Variants in CFAP57 observed in about 807,000 individuals in gnomAD.
CFAP57 encodes the protein cilia and flagella associated protein 57.
A neutral mutation model predicts 146.8 loss-of-function variants in CFAP57; 116 were observed. The ratio of observed to expected loss-of-function variants is 0.79; its 90% CI spans 0.68 to 0.92. CFAP57 has a LOEUF of 0.92. Among genes scored for constraint, CFAP57 ranks in the 40% least tolerant of loss-of-function variants. The pLI, the probability that CFAP57 is intolerant of heterozygous loss-of-function variation, is 0.00. For synonymous variants in CFAP57, 518 were observed against 552.8 expected (o/e 0.94, Z 0.88); for missense variants, 1,377 against 1,527.2 (o/e 0.90, Z 1.64).
chr1:43,179,399 CAT>C (rs1173291040), intron 2 of CFAP57, among the ~76,000 whole-genome samples: 13 of 152,210 alleles, frequency 8.5e-5, no homozygotes, highest in Non-Finnish European at 2.9e-5. Context: ...AACCAGTCAA[CAT>C]ATATCAAGAA....
chr1:43,206,991 C>T (rs1644386426), intron 10 of CFAP57, 59 bp downstream of exon 10: 11 of 1,561,726 alleles, frequency 7.0e-6, no homozygotes, highest in African/African-American at 6.8e-5. Flanking sequence ...GACAGCTTCC[C>T]GTGCTTACAG....
At position 43,185,246 on chromosome 1, in the gene CFAP57, G is replaced by A. The variant is rs757371636; in HGVS notation, c.859G>A (p.Ala287Thr). 1.5e-5 allele frequency: 25 copies of A among 1,614,056 alleles called. No homozygotes were observed. In the African/African-American group the frequency reaches 1.6e-4, roughly 10 times the overall value. The part of the protein sequence containing the change: ...HSQMSMPQVF[A>T]IAAYSKGFAC... ...CCAGATGTCCATGCCCCAGGTGTTT[G>A]CCATTGCAGCCTATTCAAAGGGATT... The change falls in exon 5 of 23, where the codon GCC becomes ACC. Residue 287 changes from alanine (A) to threonine (T), a missense_variant. Physicochemically the swap from Ala to Thr is moderately conservative, Grantham distance 58. Coordinates refer to ENST00000372492, the MANE Select transcript of CFAP57 (RefSeq NM_001378189.1).
intron 2 of CFAP57, among the ~76,000 whole-genome samples, chr1:43,179,654 T>C (rs1283178745): frequency 6.6e-6 from 1 of 152,168 alleles, no homozygotes; most frequent in Non-Finnish European, 1.5e-5. Flanking sequence ...GTTTTAACTT[T>C]CCCTTATGCT....
chr1:43,204,362 GCTTT>G (rs933699120), intron 9 of CFAP57, among the ~76,000 whole-genome samples: 45 of 152,154 alleles, frequency 3.0e-4, no homozygotes, highest in African/African-American at 1.1e-3. Flanking sequence ...TTGCCTGAAT[GCTTT>G]CTTTCTTTCT....
In CFAP57 at chr1:43,198,705, A is replaced by G. The variant is rs1398406302; in HGVS notation, c.1428+59A>G. 8 of 1,590,074 alleles carry G rather than the reference A, an allele frequency of 5.0e-6. No individual in the cohort carries two copies. In the Admixed American group the frequency reaches 8.4e-5, roughly 17 times the overall value. ...TTTCTTAGAAAGCCACGGCTGAAAT[A>G]TCAGGAACTAACATGATCTGGGGAG... On this transcript the variant is annotated intron_variant, in intron 8 of 22. Transcript: ENST00000372492.
chr1:43,221,389 A>C lies in CFAP57; in HGVS notation c.2265A>C (p.Lys755Asn). The change falls in exon 14 of 23, where the codon AAA (lysine) becomes AAC (asparagine). Residue 755 changes from lysine (K) to asparagine (N), a missense_variant. Transcript: ENST00000372492. Reference protein sequence around the residue: ...KTKNQVLRTEKEKQDVYHHEH... With the variant: ...KTKNQVLRTENEKQDVYHHEH... ...TGTTTTAGGTCTTAAGAACAGAAAA[A>C]GAGAAGCAGGATGTTTATCACCATG... 6.5e-7 allele frequency: 1 copy of C among 1,542,818 alleles called. No homozygotes were observed. Among genetic ancestry groups the C allele is most frequent in the East Asian group, 2.5e-5 (1 of 40,550 alleles).
intron 12 of CFAP57, 37 bp from the exon 13 acceptor site, chr1:43,219,345 T>A: frequency 6.5e-7 from 1 of 1,534,996 alleles, no homozygotes; most frequent in Non-Finnish European, 8.8e-7. Flanking sequence ...TCACCCTTAC[T>A]GTCAGTGTTC....
chr1:43,195,240 C>T (rs956602885), intron 6 of CFAP57, among the ~76,000 whole-genome samples: 1 of 152,130 alleles, frequency 6.6e-6, no homozygotes, highest in Non-Finnish European at 1.5e-5. Flanking sequence ...AGAACATGGA[C>T]AGGCCAGGTG....
intron 11 of CFAP57, chr1:43,210,227 A>T: frequency 6.7e-7 from 1 of 1,499,844 alleles, no homozygotes; most frequent in Non-Finnish European, 8.9e-7. Context: ...GCACTTGACC[A>T]CAGCTGCCTC....
chr1:43,183,794 A>G lies in CFAP57; in HGVS notation c.678A>G (p.Gly226=), dbSNP rs770570514. 6.2e-7 allele frequency: 1 copy of G among 1,614,110 alleles called. No individual in the cohort carries two copies. Among genetic ancestry groups the G allele is most frequent in the Non-Finnish European group, 8.5e-7 (1 of 1,180,048 alleles). The change falls in exon 4 of 23, where the codon GGA becomes GGG. Residue 226 remains glycine (G), a synonymous_variant. Transcript: ENST00000372492. ...DTGKLFLFES[G]DQRWETSIMV... ...GCAAACTCTTCCTCTTTGAATCTGG[A>G]GATCAGCGTTGGGAGACCAGCATAA...
chr1:43,215,330 G>A lies in CFAP57; in HGVS notation c.2005G>A (p.Asp669Asn). 4 of 1,551,336 alleles carry A rather than the reference G, an allele frequency of 2.6e-6. No individual in the cohort carries two copies. Among genetic ancestry groups the A allele is most frequent in the Non-Finnish European group, 3.5e-6 (4 of 1,147,138 alleles). Residue 669 changes from aspartate (D) to asparagine (N), a missense_variant, in exon 12 of 23, where the codon GAT (aspartate) becomes AAT (asparagine). Transcript: ENST00000372492. Reference sequence around the variant, plus strand: ...CTGCCTGTTCACCTGGAAGGTCTTTGATAAGGATGGCCGGGGAATCAAGCG... The same window carrying A: ...CTGCCTGTTCACCTGGAAGGTCTTTAATAAGGATGGCCGGGGAATCAAGCG... Reference protein sequence around the residue: ...DGCLFTWKVFDKDGRGIKRER... With the variant: ...DGCLFTWKVFNKDGRGIKRER...
intron 9 of CFAP57, among the ~76,000 whole-genome samples, chr1:43,205,330 A>G (rs893449474): frequency 9.2e-5 from 14 of 152,156 alleles, no homozygotes; most frequent in African/African-American, 3.1e-4. Context: ...CAGCCCCCTC[A>G]AGCAGAGCTG....
intron 9 of CFAP57, 117 bp from the exon 10 acceptor site, chr1:43,206,603 A>C (rs1192009675): frequency 1.0e-6 from 1 of 976,040 alleles, no homozygotes; most frequent in African/African-American, 1.6e-5. Context: ...AAGGGCCTAC[A>C]GCAGGAAAGG....
At chr1:43,207,013 C>A in intron 10 of CFAP57, 81 bp downstream of exon 10, 1 of 1,453,122 alleles carries the variant, frequency 6.9e-7, no homozygotes, top group Non-Finnish European at 9.6e-7. Flanking sequence ...ACAAAGTATG[C>A]ACGGAATGAG....
intron 2 of CFAP57, among the ~76,000 whole-genome samples, chr1:43,175,953 G>A (rs74966476): frequency 0.024 from 3,549 of 149,002 alleles, 94 homozygotes; most frequent in African/African-American, 0.068. Context: ...AATGTTTAAT[G>A]TATCCATTGA....
At chr1:43,244,473 A>G (rs1646038261) in intron 22 of CFAP57, among the ~76,000 whole-genome samples, 1 of 152,226 alleles carries the variant, frequency 6.6e-6, no homozygotes, top group South Asian at 2.1e-4. Context: ...GATTTTATGT[A>G]TATGTATATA....
In CFAP57 at chr1:43,183,465, A is replaced by C. The variant is rs1407521535; in HGVS notation, c.475-126A>C. The C allele has an allele frequency of 1.6e-5, 14 of 861,656 alleles. No homozygotes were observed. The East Asian group carries it at 3.4e-4, about 21-fold the overall frequency. 53.4% of individuals were successfully genotyped at this position (861,656 alleles called of 1,614,324 possible). A position where few individuals can be genotyped will look rare whatever the true frequency, so the allele number is the denominator to read the frequency against. ...CTTATCAAATGCAGCATAAAGTTAC[A>C]TGATTTTGTGATGTTTTGGAGATAT... is the stretch of plus-strand genomic sequence containing the variant. On this transcript the variant is annotated intron_variant, in intron 3 of 22. Transcript: ENST00000372492.
chr1:43,179,804 C>T (rs1405379883), intron 2 of CFAP57, among the ~76,000 whole-genome samples: 1 of 152,130 alleles, frequency 6.6e-6, no homozygotes, highest in Non-Finnish European at 1.5e-5. Context: ...TTATCTTTTC[C>T]TTTCTTCTCC....
At chr1:43,195,519 CAAAAGAAA>C (rs1291937199) in intron 6 of CFAP57, among the ~76,000 whole-genome samples, 4 of 138,682 alleles carry the variant, frequency 2.9e-5, no homozygotes, top group Non-Finnish European at 6.2e-5. Context: ...GACTCCATCT[CAAAAGAAA>C]AAAAGAAAAA....
Sources: gnomAD v4.1 joint callset for allele counts (sites outside exome capture counted in the v4.1 genomes callset) on GRCh38, gnomAD v4.1.1 for gene constraint, MANE v1.5 for transcripts, NCBI Gene and HGNC (gene_info 2026-07-23, HGNC 2026-07-21) for gene names.